Variants in CLEC4A observed in about 807,000 individuals in gnomAD.
CLEC4A encodes C-type (calcium dependent, carbohydrate-recognition domain) lectin, superfamily member 6.
A neutral mutation model predicts 32.7 loss-of-function variants in CLEC4A; 27 were observed. The ratio of observed to expected loss-of-function variants is 0.83; its 90% CI spans 0.61 to 1.14. CLEC4A has a LOEUF of 1.14. Among genes scored for constraint, CLEC4A ranks in the 50% most tolerant of loss-of-function variants. The pLI, the probability that CLEC4A is intolerant of heterozygous loss-of-function variation, is 0.00. For synonymous variants in CLEC4A, 89 were observed against 93.7 expected (o/e 0.95, Z 0.29); for missense variants, 253 against 274.6 (o/e 0.92, Z 0.55).
rs1209351518 is a variant in CLEC4A at position 8,123,951 on chromosome 12, T to C, written c.73T>C (p.Ser25Pro). 1 of 1,604,814 alleles carries C rather than the reference T, an allele frequency of 6.2e-7. No homozygotes were observed. Among genetic ancestry groups the C allele is most frequent in the Admixed American group, 1.7e-5 (1 of 59,990 alleles). ...CAAGTCCTCAGGCATCAACACAGCC[T>C]CTTCTGCAGGTAAAGATCATTTTCT... ...EFKSSGINTA[S>P]SAASKERTAP... The change falls in exon 1 of 6, where the codon TCT becomes CCT. Residue 25 changes from serine (S) to proline (P), a missense_variant. Physicochemically the swap from Ser to Pro is moderately conservative, Grantham distance 74. Transcript: ENST00000229332.
At chr12:8,125,483 G>A in intron 1 of CLEC4A, 78 bp from the exon 2 acceptor site, 1 of 783,482 alleles carries the variant, frequency 1.3e-6, no homozygotes, top group Non-Finnish European at 2.3e-6. Context: ...CAAGAAAAGA[G>A]AGAGAAAGAG....
chr12:8,113,873 T>C, the CLEC4A span, among the ~76,000 whole-genome samples: 3 of 152,202 alleles, frequency 2.0e-5, no homozygotes, highest in African/African-American at 7.2e-5. Context: ...CTTAAAATTG[T>C]GTCCCCAAGT....
chr12:8,127,555 T>G (rs1376574766), intron 2 of CLEC4A, among the ~76,000 whole-genome samples: 2 of 152,222 alleles, frequency 1.3e-5, no homozygotes, highest in African/African-American at 2.4e-5. Context: ...AGGGAATTGA[T>G]ATAATTGGAT....
chr12:8,134,364 G>T (rs1240282845), intron 3 of CLEC4A: 1 of 1,612,714 alleles, frequency 6.2e-7, no homozygotes, highest in East Asian at 2.2e-5. Context: ...ATCGGCCTGT[G>T]TATATCCCAG....
chr12:8,116,701 T>C, the CLEC4A span, among the ~76,000 whole-genome samples: 1 of 152,158 alleles, frequency 6.6e-6, no homozygotes, highest in Non-Finnish European at 1.5e-5. Context: ...TTCAATTTGG[T>C]TTTCCATCAT....
intron 3 of CLEC4A, among the ~76,000 whole-genome samples, chr12:8,131,371 G>A (rs1947993559): frequency 6.6e-6 from 1 of 152,164 alleles, no homozygotes; most frequent in African/African-American, 2.4e-5. Context: ...GTCATGGTCA[G>A]CAGGCTGGAG....
chr12:8,134,474 C>T (rs749957056), intron 3 of CLEC4A: 1 of 1,613,940 alleles, frequency 6.2e-7, no homozygotes, highest in Non-Finnish European at 8.5e-7. Flanking sequence ...CCAGCTTCTC[C>T]TTCTCCAGCT....
chr12:8,118,362 C>T, the CLEC4A span, among the ~76,000 whole-genome samples: 4 of 148,854 alleles, frequency 2.7e-5, no homozygotes, highest in South Asian at 4.4e-4. Context: ...TTAAATGTGT[C>T]CCTCTCTGTA....
chr12:8,114,444 C>T, the CLEC4A span, among the ~76,000 whole-genome samples: 1 of 152,058 alleles, frequency 6.6e-6, no homozygotes, highest in African/African-American at 2.4e-5. Flanking sequence ...CGGGGTTTCA[C>T]CGTGTTAGCC....
At chr12:8,105,137 CT>C in the CLEC4A span, among the ~76,000 whole-genome samples, 7 of 152,094 alleles carry the variant, frequency 4.6e-5, no homozygotes, top group Admixed American at 4.6e-4. Flanking sequence ...GTTCTAAGTT[CT>C]TTGAGAAATC....
the CLEC4A span, among the ~76,000 whole-genome samples, chr12:8,105,335 G>C: frequency 6.6e-6 from 1 of 150,996 alleles, no homozygotes; most frequent in South Asian, 2.1e-4. Context: ...TAGTGATGTT[G>C]AGCAATTTTT....
At chr12:8,103,376 GTTTTTTTTT>G in the CLEC4A span, among the ~76,000 whole-genome samples, 3 of 56,504 alleles carry the variant, frequency 5.3e-5, no homozygotes, top group African/African-American at 2.5e-4. Context: ...TCTTTCTGTT[GTTTTTTTTT>G]TTTTTTTTTT....
chr12:8,120,131 A>G (rs1368735449), upstream of CLEC4A, among the ~76,000 whole-genome samples: 1 of 152,112 alleles, frequency 6.6e-6, no homozygotes, highest in African/African-American at 2.4e-5. Context: ...CAATCAGGGG[A>G]GCTTCAGTGC....
rs181999437 is a variant in CLEC4A, at chr12:8,125,915, T to C, written c.199+238T>C. On this transcript the variant is annotated intron_variant, in intron 2 of 5. Transcript: ENST00000229332. ...AGAAACTGAAGCATAAATGTGGGTG[T>C]ATGTATTTGTGTTGTAGAGTGAAAT... Among the ~76,000 whole-genome samples the C allele has an allele frequency of 7.9e-5, 12 of 152,346 alleles. No homozygotes were observed. In the East Asian group the frequency reaches 2.3e-3, roughly 29 times the overall value.
chr12:8,131,144 A>G (rs1947989149), intron 3 of CLEC4A, among the ~76,000 whole-genome samples: 1 of 152,240 alleles, frequency 6.6e-6, no homozygotes, highest in African/African-American at 2.4e-5. Context: ...TGCTATTTTC[A>G]TTACATCATA....
chr12:8,138,212 A>C lies in CLEC4A; in HGVS notation c.639A>C (p.Lys213Asn). 1 of 1,614,126 alleles carries C rather than the reference A, an allele frequency of 6.2e-7. No homozygotes were observed. The highest frequency in any genetic ancestry group is 8.5e-7 in the Non-Finnish European group (1 of 1,180,036). Residue 213 changes from lysine (K) to asparagine (N), a missense_variant, in exon 6 of 6, where the codon AAA (lysine) becomes AAC (asparagine). Physicochemically the swap from Lys to Asn is moderately conservative, Grantham distance 94 (BLOSUM62 0). Coordinates refer to ENST00000229332, the MANE Select transcript of CLEC4A (RefSeq NM_016184.4). Reference protein sequence around the residue: ...CVVLNFRKSPKRWGWNDVNCL... With the variant: ...CVVLNFRKSPNRWGWNDVNCL... ...TGCTAAATTTTCGTAAATCACCCAA[A>C]AGATGGGGCTGGAATGATGTTAATT...
intron 3 of CLEC4A, among the ~76,000 whole-genome samples, chr12:8,135,012 AAATC>A (rs1948083817): frequency 6.7e-5 from 1 of 14,936 alleles, no homozygotes; most frequent in Non-Finnish European, 1.5e-4. Context: ...GGCTGCTTTT[AAATC>A]TTTGTCAGAT....
At chr12:8,114,599 C>T in the CLEC4A span, among the ~76,000 whole-genome samples, 30 of 152,150 alleles carry the variant, frequency 2.0e-4, no homozygotes, top group East Asian at 7.7e-4. Flanking sequence ...TACTTTCCTA[C>T]GAATTTTTCT....
At chr12:8,114,249 T>TC in the CLEC4A span, among the ~76,000 whole-genome samples, 1 of 152,102 alleles carries the variant, frequency 6.6e-6, no homozygotes, top group African/African-American at 2.4e-5. Flanking sequence ...TTCCTTTATT[T>TC]CTTTTTTTTT....
Sources: gnomAD v4.1 joint callset for allele counts (sites outside exome capture counted in the v4.1 genomes callset) on GRCh38, gnomAD v4.1.1 for gene constraint, MANE v1.5 for transcripts, NCBI Gene and HGNC (gene_info 2026-07-23, HGNC 2026-07-21) for gene names.